Variants in SLC1A3 observed in about 807,000 individuals in gnomAD.
SLC1A3 encodes excitatory amino acid transporter 1.
Under a neutral mutation model 48.1 loss-of-function variants are expected in SLC1A3, and 21 were observed. That is an observed-to-expected ratio of 0.44 (90% CI 0.31 to 0.63). SLC1A3 has a LOEUF of 0.63. Ranked by LOEUF, SLC1A3 falls within the 20% of genes least tolerant of loss-of-function variation. The pLI, the probability that SLC1A3 is intolerant of heterozygous loss-of-function variation, is 0.08. For synonymous variants in SLC1A3, 239 were observed against 251.4 expected (o/e 0.95, Z 0.47); for missense variants, 546 against 689.0 (o/e 0.79, Z 2.32).
Position 36,688,306 on chromosome 5 carries a change from C to A in SLC1A3, c.*2037C>A, listed in dbSNP as rs1362068237. ...AAGCATTACTTTGTAGATGTATTTTCAATAAAGAAAAAAATAGTTTTACAT... is the reference window on the plus strand; with the variant it reads ...AAGCATTACTTTGTAGATGTATTTTAAATAAAGAAAAAAATAGTTTTACAT... On this transcript the variant is annotated 3_prime_UTR_variant, in exon 10 of 10. Transcript: ENST00000265113. 1.3e-5 allele frequency: 2 copies of A among 152,060 alleles called. No individual in the cohort carries two copies. Among genetic ancestry groups the A allele is most frequent in the East Asian group, 3.8e-4 (2 of 5,198 alleles). The allele number at this position is 152,060 out of a possible 1,614,324, so 9.4% of individuals were successfully genotyped here.
intron 2 of SLC1A3, 183 bp downstream of exon 2, chr5:36,608,787 G>A (rs577494591): frequency 9.9e-6 from 14 of 1,415,938 alleles, no homozygotes; most frequent in African/African-American, 4.3e-5. Flanking sequence ...GCAATATATA[G>A]TAAACACATC....
At chr5:36,658,948 G>A (rs1580006211) in intron 3 of SLC1A3, among the ~76,000 whole-genome samples, 1 of 151,940 alleles carries the variant, frequency 6.6e-6, no homozygotes, top group South Asian at 2.1e-4. Flanking sequence ...GGCTGTGACA[G>A]TAGCCACTCA....
rs571463459 is a variant in SLC1A3, at chr5:36,686,054, C to T, written c.1425-11C>T. 125 of 1,613,352 alleles carry T rather than the reference C, an allele frequency of 7.7e-5. 1 individual carries two copies. The South Asian group carries it at 1.3e-3, about 17-fold the overall frequency. ...AGCCTCGTTTTTCCCTCCTCCCCAC[C>T]CTGCCTGCAGGGATCGCCTCCGGAC... On this transcript the variant is annotated splice_polypyrimidine_tract_variant and intron_variant, in intron 9 of 9. Coordinates refer to ENST00000265113, the MANE Select transcript of SLC1A3 (RefSeq NM_004172.5).
chr5:36,610,899 T>C (rs577460567), intron 2 of SLC1A3, among the ~76,000 whole-genome samples: 1 of 152,058 alleles, frequency 6.6e-6, no homozygotes, highest in East Asian at 1.9e-4. Context: ...AAGAAACACA[T>C]AAAAAGAGCT....
upstream of SLC1A3, among the ~76,000 whole-genome samples, chr5:36,601,577 G>A (rs971173279): frequency 1.3e-5 from 2 of 152,150 alleles, no homozygotes; most frequent in East Asian, 1.9e-4. Context: ...AGGAATTATG[G>A]CACAAACTGA....
At chr5:36,662,080 A>T (rs1741535468) in intron 3 of SLC1A3, among the ~76,000 whole-genome samples, 1 of 152,220 alleles carries the variant, frequency 6.6e-6, no homozygotes, top group Admixed American at 6.5e-5. Flanking sequence ...AAAGAAAGGG[A>T]GACAGGCTGG....
At chr5:36,671,255 C>A (rs766969711) in intron 4 of SLC1A3, 22 bp downstream of exon 4, 2 of 1,581,440 alleles carry the variant, frequency 1.3e-6, no homozygotes, top group Admixed American at 3.4e-5. Flanking sequence ...CAAGCCCGTC[C>A]TTTGGGGTGT....
rs544903884 is a variant in SLC1A3 at position 36,616,255 on chromosome 5, C to T, written c.181+7651C>T. Among the ~76,000 whole-genome samples the T allele has an allele frequency of 3.9e-5, 6 of 152,180 alleles. No homozygotes were observed. In the South Asian group the frequency reaches 8.3e-4, roughly 21 times the overall value. On this transcript the variant is annotated intron_variant, in intron 2 of 9. Transcript: ENST00000265113. ...CTATCAAGATTGCCTAGAGCTTATT[C>T]CCTAGGCCAAGAATATTCACATCAC...
At chr5:36,619,094 G>T (rs933304426) in intron 2 of SLC1A3, among the ~76,000 whole-genome samples, 1 of 152,136 alleles carries the variant, frequency 6.6e-6, no homozygotes, top group Non-Finnish European at 1.5e-5. Flanking sequence ...ACCCCTGGTG[G>T]AACAAGGCTG....
intron 2 of SLC1A3, among the ~76,000 whole-genome samples, chr5:36,620,686 T>C: frequency 6.6e-6 from 1 of 152,168 alleles, no homozygotes; most frequent in Non-Finnish European, 1.5e-5. Flanking sequence ...TTTGAGGGGC[T>C]TGATATAGGT....
intron 3 of SLC1A3, among the ~76,000 whole-genome samples, chr5:36,666,782 T>C (rs1383536768): frequency 1.3e-5 from 2 of 152,206 alleles, no homozygotes; most frequent in Non-Finnish European, 1.5e-5. Flanking sequence ...TAATTTACCA[T>C]ATAGACTTAC....
At chr5:36,661,270 A>G (rs936271137) in intron 3 of SLC1A3, among the ~76,000 whole-genome samples, 2 of 152,142 alleles carry the variant, frequency 1.3e-5, no homozygotes, top group African/African-American at 2.4e-5. Context: ...AAATTAGCCA[A>G]GCGTGGTGGT....
At chr5:36,603,974 C>T (rs148357974), upstream of SLC1A3, among the ~76,000 whole-genome samples, 2 of 152,274 alleles carry the variant, frequency 1.3e-5, no homozygotes, top group African/African-American at 4.8e-5. Flanking sequence ...GTTTGACTGG[C>T]CTGTACCATG....
chr5:36,609,061 C>T (rs1238176116), intron 2 of SLC1A3: 3 of 990,984 alleles, frequency 3.0e-6, no homozygotes, highest in African/African-American at 1.7e-5. Flanking sequence ...AGCTGAGTAT[C>T]AACGCTTAGG....
intron 2 of SLC1A3, among the ~76,000 whole-genome samples, chr5:36,621,435 G>A (rs569839158): frequency 6.6e-6 from 1 of 152,260 alleles, no homozygotes; most frequent in South Asian, 2.1e-4. Context: ...CATGGTCTTG[G>A]GCTTTGACTA....
intron 3 of SLC1A3, among the ~76,000 whole-genome samples, chr5:36,651,445 C>A (rs577744239): frequency 1.3e-5 from 2 of 152,242 alleles, no homozygotes; most frequent in South Asian, 4.1e-4. Flanking sequence ...CAACTCTGGG[C>A]TCATTCCCCA....
At chr5:36,643,550 TAA>T (rs1740704906) in intron 3 of SLC1A3, among the ~76,000 whole-genome samples, 1 of 152,184 alleles carries the variant, frequency 6.6e-6, no homozygotes, top group Non-Finnish European at 1.5e-5. Context: ...CTTTATATAT[TAA>T]ACTTACACCT....
chr5:36,610,653 G>C (rs1237356252), intron 2 of SLC1A3, among the ~76,000 whole-genome samples: 3 of 152,108 alleles, frequency 2.0e-5, no homozygotes, highest in Non-Finnish European at 4.4e-5. Flanking sequence ...ATAAAAAGAA[G>C]ATAATGCCAG....
intron 3 of SLC1A3, among the ~76,000 whole-genome samples, chr5:36,642,794 T>A (rs1039975883): frequency 3.3e-5 from 5 of 152,220 alleles, no homozygotes; most frequent in African/African-American, 9.6e-5. Flanking sequence ...GAACATGTCA[T>A]GTAAGTGATA....
Sources: gnomAD v4.1 joint callset for allele counts (sites outside exome capture counted in the v4.1 genomes callset) on GRCh38, gnomAD v4.1.1 for gene constraint, MANE v1.5 for transcripts, NCBI Gene and HGNC (gene_info 2026-07-23, HGNC 2026-07-21) for gene names.